The following SCARA5 variants were observed in gnomAD, a reference collection of about 807,000 sequenced individuals.
SCARA5 encodes scavenger receptor class A member 5.
A neutral mutation model predicts 46.3 loss-of-function variants in SCARA5; 45 were observed. The observed-to-expected ratio is 0.97, with a 90% confidence interval of 0.76 to 1.24. The LOEUF (loss-of-function observed/expected upper bound fraction) is 1.24, where lower values mean the gene tolerates loss of function less well. Ranked by LOEUF, SCARA5 falls within the 50% of genes most tolerant of loss-of-function variation. The probability of loss-of-function intolerance (pLI) is 0.00; values close to 1 mark genes in which losing one functional copy is unlikely to be tolerated. For missense variants in SCARA5, 680 were observed against 689.0 expected, an observed-to-expected ratio of 0.99 and a Z score of 0.15; for synonymous variants, 333 against 306.5, an observed-to-expected ratio of 1.09 and a Z score of -0.90.
intron 3 of SCARA5, among the ~76,000 whole-genome samples, chr8:27,923,868 C>T (rs1210072032): frequency 2.6e-5 from 4 of 152,198 alleles, no homozygotes; most frequent in Non-Finnish European, 4.4e-5. Flanking sequence ...CCACTGCACC[C>T]GGCCCTACTT....
intron 7 of SCARA5, among the ~76,000 whole-genome samples, chr8:27,886,847 A>C (rs10090871): frequency 0.38 from 58,545 of 152,074 alleles, 12,661 homozygotes; most frequent in African/African-American, 0.58. Context: ...CTTAATCAGA[A>C]GTGGTGACTG....
intron 2 of SCARA5, among the ~76,000 whole-genome samples, chr8:27,966,783 C>G (rs1460404199): frequency 6.6e-6 from 1 of 152,222 alleles, no homozygotes; most frequent in Non-Finnish European, 1.5e-5. Flanking sequence ...ATGTCCACAG[C>G]TCACATGCTC....
intron 3 of SCARA5, among the ~76,000 whole-genome samples, chr8:27,939,019 T>C (rs540846649): frequency 3.3e-5 from 5 of 152,160 alleles, no homozygotes; most frequent in African/African-American, 1.2e-4. Context: ...GGGCTTTCAT[T>C]CATTCAGCAC....
intron 3 of SCARA5, among the ~76,000 whole-genome samples, chr8:27,927,672 G>A (rs1298941771): frequency 1.3e-5 from 2 of 151,950 alleles, no homozygotes; most frequent in Admixed American, 6.6e-5. Flanking sequence ...ACGCAGAAAG[G>A]TTCCTCCCCT....
intron 3 of SCARA5, among the ~76,000 whole-genome samples, chr8:27,933,758 A>G (rs2129850916): frequency 6.6e-6 from 1 of 152,222 alleles, no homozygotes; most frequent in East Asian, 1.9e-4. Context: ...CTGTTTATTT[A>G]TCATGATTGA....
At chr8:27,927,155 T>A (rs1278455046) in intron 3 of SCARA5, among the ~76,000 whole-genome samples, 3 of 152,094 alleles carry the variant, frequency 2.0e-5, no homozygotes, top group African/African-American at 2.4e-5. Context: ...AGCCCCTCCT[T>A]CCCTCTGTGG....
intron 3 of SCARA5, among the ~76,000 whole-genome samples, chr8:27,930,043 C>A (rs187779005): frequency 5.3e-5 from 8 of 152,264 alleles, no homozygotes; most frequent in African/African-American, 9.6e-5. Flanking sequence ...TATGGTCCCC[C>A]CCAGTCCTGC....
chr8:27,963,569 G>T (rs1271770937), intron 3 of SCARA5, among the ~76,000 whole-genome samples: 1 of 152,194 alleles, frequency 6.6e-6, no homozygotes, highest in East Asian at 1.9e-4. Flanking sequence ...ACACTGGTCA[G>T]GTTGGATGAT....
At chr8:27,902,289 C>T (rs1807167751) in intron 7 of SCARA5, among the ~76,000 whole-genome samples, 1 of 152,110 alleles carries the variant, frequency 6.6e-6, no homozygotes, top group African/African-American at 2.4e-5. Flanking sequence ...CAAGAGGCTC[C>T]AGGGCCAAGT....
chr8:27,924,043 C>T (rs759260664), intron 3 of SCARA5, among the ~76,000 whole-genome samples: 6 of 152,160 alleles, frequency 3.9e-5, no homozygotes, highest in Non-Finnish European at 5.9e-5. Flanking sequence ...CCTTGTATCT[C>T]CTGGGAGGTC....
At chr8:27,970,007 A>T (rs1808425504) in intron 2 of SCARA5, among the ~76,000 whole-genome samples, 1 of 152,134 alleles carries the variant, frequency 6.6e-6, no homozygotes, top group African/African-American at 2.4e-5. Flanking sequence ...TTGTACCAGG[A>T]TTGGCCTGTG....
chr8:27,980,898 C>T (rs1326371336), intron 2 of SCARA5, among the ~76,000 whole-genome samples: 1 of 152,090 alleles, frequency 6.6e-6, no homozygotes, highest in African/African-American at 2.4e-5. Flanking sequence ...AGCAGAAGGC[C>T]AGGATCAGCC....
chr8:27,900,873 A>T (rs1007832306), intron 7 of SCARA5, among the ~76,000 whole-genome samples: 24 of 150,566 alleles, frequency 1.6e-4, no homozygotes, highest in African/African-American at 5.9e-4. Context: ...ACTGAAAAAA[A>T]CCTTTATCTC....
chr8:27,898,354 T>C (rs1807097225), intron 7 of SCARA5, among the ~76,000 whole-genome samples: 1 of 152,186 alleles, frequency 6.6e-6, no homozygotes, highest in African/African-American at 2.4e-5. Context: ...CCAGAATGTC[T>C]GGAAGGCCAG....
rs1009611738 is a variant in SCARA5 at position 27,870,489 on chromosome 8, G to A, written c.*1445C>T. ...AGTGTTGCTGTTCCTACACCTGGAGGGGCCCAGGTCTCTCCCCAAGCAGGC... is the reference window on the plus strand; with the variant it reads ...AGTGTTGCTGTTCCTACACCTGGAGAGGCCCAGGTCTCTCCCCAAGCAGGC... On this transcript the variant is annotated 3_prime_UTR_variant, in exon 9 of 9. Coordinates refer to ENST00000354914, the MANE Select transcript of SCARA5 (RefSeq NM_173833.6). 1 of 152,156 alleles carries A rather than the reference G, an allele frequency of 6.6e-6. No homozygotes were observed. Among genetic ancestry groups the A allele is most frequent in the Non-Finnish European group, 1.5e-5 (1 of 68,012 alleles). The allele number at this position is 152,156 out of a possible 1,614,324, so 9.4% of individuals were successfully genotyped here.
rs566677863 is a variant in SCARA5 at position 27,971,885 on chromosome 8, C to G, written c.113-5343G>C. Among the ~76,000 whole-genome samples, 31 of 152,226 alleles carry G rather than the reference C, an allele frequency of 2.0e-4. 1 individual carries two copies. The South Asian group carries it at 4.4e-3, about 21-fold the overall frequency. Reference sequence around the variant, plus strand: ...CATCCTCCCCTGCATACAGCCTGCACAATCTTGCCATAGCAGAGTGTCCCT... The same window carrying G: ...CATCCTCCCCTGCATACAGCCTGCAGAATCTTGCCATAGCAGAGTGTCCCT... On this transcript the variant is annotated intron_variant, in intron 2 of 8. Transcript: ENST00000354914.
Position 27,892,606 on chromosome 8 carries a change from C to CTTTTTTTT in SCARA5, c.1153+12164_1153+12171dup, listed in dbSNP as rs1230257718. Among the ~76,000 whole-genome samples, 356 of 126,862 alleles carry CTTTTTTTT rather than the reference C, an allele frequency of 2.8e-3. 4 individuals are homozygous for CTTTTTTTT. Among genetic ancestry groups the CTTTTTTTT allele is most frequent in the Non-Finnish European group, 4.1e-3 (260 of 63,380 alleles). The allele number at this position is 126,862 out of a possible 152,430, so 83.2% of individuals were successfully genotyped here. ...AGAAGTGACCTCTCCATACCTCACC[C>CTTTTTTTT]TTTTTTTTTTTTTTTTTTTTTGAGA... On this transcript the variant is annotated intron_variant, in intron 7 of 8. Coordinates refer to ENST00000354914, the MANE Select transcript of SCARA5 (RefSeq NM_173833.6).
chr8:27,933,907 C>A (rs918960381), intron 3 of SCARA5, among the ~76,000 whole-genome samples: 5 of 152,062 alleles, frequency 3.3e-5, no homozygotes, highest in Admixed American at 2.6e-4. Context: ...GGGGAAAAAA[C>A]CCAGAAATTG....
At position 27,921,684 on chromosome 8, in the gene SCARA5, C is replaced by T. The variant is rs1351402172; in HGVS notation, c.803G>A (p.Gly268Asp). ...CTCCTGCTTCAGCTGCAGCTCCATGCCTACGTGCGCCAGGCGCAGGCGGCG... is the reference window on the plus strand; with the variant it reads ...CTCCTGCTTCAGCTGCAGCTCCATGTCTACGTGCGCCAGGCGCAGGCGGCG... The part of the protein sequence containing the change: ...DTRRLRLAHV[G>D]MELQLKQELA... The change falls in exon 4 of 9, where the codon GGC becomes GAC. Residue 268 changes from glycine to aspartate, a missense_variant. By Grantham distance (94) the Gly-to-Asp change is moderately conservative. Coordinates refer to ENST00000354914, the MANE Select transcript of SCARA5 (RefSeq NM_173833.6). 3 of 1,607,916 alleles carry T rather than the reference C, an allele frequency of 1.9e-6. No individual in the cohort carries two copies. The South Asian group carries it at 3.3e-5, about 18-fold the overall frequency.
Sources: gnomAD v4.1 joint callset for allele counts (sites outside exome capture counted in the v4.1 genomes callset) on GRCh38, gnomAD v4.1.1 for gene constraint, MANE v1.5 for transcripts, NCBI Gene and HGNC (gene_info 2026-07-23, HGNC 2026-07-21) for gene names.